Variants in ATXN10 observed in about 807,000 individuals in gnomAD.
ATXN10 encodes the protein ataxin 10.
Under a neutral mutation model 52.9 loss-of-function variants are expected in ATXN10, and 28 were observed. That is an observed-to-expected ratio of 0.53 (90% CI 0.39 to 0.73). The LOEUF (loss-of-function observed/expected upper bound fraction) is 0.73. Ranked by LOEUF, ATXN10 falls within the 30% of genes least tolerant of loss-of-function variation. The pLI is 0.00. For synonymous variants in ATXN10, 226 were observed against 221.5 expected, an observed-to-expected ratio of 1.02 and a Z score of -0.18; for missense variants, 565 against 577.0, an observed-to-expected ratio of 0.98 and a Z score of 0.21.
chr22:45,743,348 T>C (rs1925609444), intron 9 of ATXN10, among the ~76,000 whole-genome samples: 1 of 152,230 alleles, frequency 6.6e-6, no homozygotes, highest in Admixed American at 6.5e-5. Flanking sequence ...CGAAATCTTG[T>C]TCTGGATGTG....
chr22:45,725,401 A>AT (rs60263048), intron 6 of ATXN10, among the ~76,000 whole-genome samples: 2,195 of 116,150 alleles, frequency 0.019, 31 homozygotes, highest in African/African-American at 0.028. Context: ...CAGGCATTTG[A>AT]TTTTTTTTTT....
At position 45,826,572 on chromosome 22, in the gene ATXN10, C is replaced by T. The variant is rs1011530613; in HGVS notation, c.1238-16419C>T. On this transcript the variant is annotated intron_variant, in intron 10 of 11. Transcript: ENST00000252934. The surrounding 1 kb of genome is among the most constrained non-coding windows in gnomAD (Gnocchi z 5.0). Reference sequence around the variant, plus strand: ...AGCCCATCACATGCAAGAGATAATCCATAGGATTACCAGCAGTTTTCTTAT... The same window carrying T: ...AGCCCATCACATGCAAGAGATAATCTATAGGATTACCAGCAGTTTTCTTAT... 3.3e-5 allele frequency among the ~76,000 whole-genome samples: 5 copies of T among 152,156 alleles called. No individual in the cohort carries two copies. Among genetic ancestry groups the T allele is most frequent in the African/African-American group, 1.2e-4 (5 of 41,422 alleles).
chr22:45,816,281 C>T lies in ATXN10; in HGVS notation c.1237+9259C>T, dbSNP rs1256737981. ...AAATAAAAATAAATAAATAAAAATT[C>T]ACTGCCCTATTTTGATCTTAGATCA... On this transcript the variant is annotated intron_variant, in intron 10 of 11. Transcript: ENST00000252934. This position sits in a 1 kb window ranked among gnomAD's most constrained non-coding sequence, Gnocchi z 5.8. Among the ~76,000 whole-genome samples the T allele has an allele frequency of 1.3e-5, 2 of 152,076 alleles. No homozygotes were observed. The highest frequency in any genetic ancestry group is 4.8e-5 in the African/African-American group (2 of 41,412).
chr22:45,713,021 T>C (rs557241899), intron 5 of ATXN10, among the ~76,000 whole-genome samples: 28 of 152,228 alleles, frequency 1.8e-4, no homozygotes, highest in African/African-American at 5.3e-4. Flanking sequence ...ATTTTACTCA[T>C]GTTGTGAGTA....
At chr22:45,716,863 C>G (rs1297477490) in intron 5 of ATXN10, among the ~76,000 whole-genome samples, 1 of 152,136 alleles carries the variant, frequency 6.6e-6, no homozygotes, top group Non-Finnish European at 1.5e-5. Flanking sequence ...AAAGAGAGCA[C>G]TAATTACCAA....
At chr22:45,765,505 C>T (rs1926550746) in intron 9 of ATXN10, among the ~76,000 whole-genome samples, 3 of 152,170 alleles carry the variant, frequency 2.0e-5, no homozygotes, top group Admixed American at 1.3e-4. Flanking sequence ...CTAGAATCAG[C>T]TGGGACTGAG....
rs1357848027 is a variant in ATXN10, at chr22:45,757,403, C to A, written c.1173+16865C>A. Among the ~76,000 whole-genome samples the A allele has an allele frequency of 6.6e-6, 1 of 152,138 alleles. No homozygotes were observed. Among genetic ancestry groups the A allele is most frequent in the East Asian group, 1.9e-4 (1 of 5,186 alleles). ...AGCGCCTGCTGGCTGGGAGCAGGGACAGAAAATGCCTGAGGCTCCGAGGTG... is the reference window on the plus strand; with the variant it reads ...AGCGCCTGCTGGCTGGGAGCAGGGAAAGAAAATGCCTGAGGCTCCGAGGTG... On this transcript the variant is annotated intron_variant, in intron 9 of 11. Transcript: ENST00000252934. The surrounding 1 kb of genome is among the most constrained non-coding windows in gnomAD (Gnocchi z 4.6).
intron 1 of ATXN10, 127 bp downstream of exon 1, chr22:45,672,306 G>A (rs1922488271): frequency 9.4e-7 from 1 of 1,061,390 alleles, no homozygotes; most frequent in Non-Finnish European, 1.2e-6. Context: ...GCCTGCGCGG[G>A]CTGCCTGAGC....
Position 45,769,840 on chromosome 22 carries a change from T to TAA in ATXN10, c.1173+29303_1173+29304dup, listed in dbSNP as rs1601634920. The stretch of plus-strand genomic sequence containing the variant: ...AGAGTGTGATCTGAACAAAAACTCT[T>TAA]AAGAGTGTCAGGAAGTTAAAAAATA... On this transcript the variant is annotated intron_variant, in intron 9 of 11. Transcript: ENST00000252934. This position sits in a 1 kb window ranked among gnomAD's most constrained non-coding sequence, Gnocchi z 4.2. 2.0e-5 allele frequency among the ~76,000 whole-genome samples: 3 copies of TAA among 152,194 alleles called. No individual in the cohort carries two copies. The highest frequency in any genetic ancestry group is 2.0e-4 in the Admixed American group (3 of 15,268).
intron 4 of ATXN10, 22 bp from the exon 5 acceptor site, chr22:45,702,667 A>AC (rs765448521): frequency 6.2e-7 from 1 of 1,613,478 alleles, no homozygotes; most frequent in Admixed American, 1.7e-5. Context: ...TGGGCTAACA[A>AC]TCTCATTTCC....
At chr22:45,765,977 A>T (rs766479774) in intron 9 of ATXN10, among the ~76,000 whole-genome samples, 6 of 152,228 alleles carry the variant, frequency 3.9e-5, no homozygotes, top group Non-Finnish European at 8.8e-5. Context: ...TAAAAATGTT[A>T]TACAGCTTCC....
rs560783145 is a variant in ATXN10 at position 45,826,425 on chromosome 22, C to T, written c.1238-16566C>T. The stretch of plus-strand genomic sequence containing the variant: ...AATTTTCCACATTTGATGGAAGTCA[C>T]GAATATATACAACCAGGAAACTCGG... On this transcript the variant is annotated intron_variant, in intron 10 of 11. Coordinates refer to ENST00000252934, the MANE Select transcript of ATXN10 (RefSeq NM_013236.4). This position sits in a 1 kb window ranked among gnomAD's most constrained non-coding sequence, Gnocchi z 5.0. 2.0e-5 allele frequency among the ~76,000 whole-genome samples: 3 copies of T among 152,032 alleles called. No individual in the cohort carries two copies. The highest frequency in any genetic ancestry group is 4.8e-5 in the African/African-American group (2 of 41,376).
At chr22:45,806,689 T>C (rs1928109962) in intron 9 of ATXN10, among the ~76,000 whole-genome samples, 1 of 152,170 alleles carries the variant, frequency 6.6e-6, no homozygotes, top group Non-Finnish European at 1.5e-5. Flanking sequence ...TGGTGAACAA[T>C]GTTAGGAAGT....
At position 45,780,137 on chromosome 22, in the gene ATXN10, G is replaced by A. The variant is rs892854746; in HGVS notation, c.1174-26822G>A. Among the ~76,000 whole-genome samples the A allele has an allele frequency of 6.6e-6, 1 of 150,744 alleles. No individual in the cohort carries two copies. Among genetic ancestry groups the A allele is most frequent in the Non-Finnish European group, 1.5e-5 (1 of 67,906 alleles). On this transcript the variant is annotated intron_variant, in intron 9 of 11. Coordinates refer to ENST00000252934, the MANE Select transcript of ATXN10 (RefSeq NM_013236.4). The surrounding 1 kb of genome is among the most constrained non-coding windows in gnomAD (Gnocchi z 4.0). Reference sequence around the variant, plus strand: ...CTCGTTGTGTCACCCAGGCTGGAGTGCAGTGGCACGATCTTGGTTCACTGC... The same window carrying A: ...CTCGTTGTGTCACCCAGGCTGGAGTACAGTGGCACGATCTTGGTTCACTGC...
At chr22:45,741,163 A>C (rs1925519998) in intron 9 of ATXN10, among the ~76,000 whole-genome samples, 1 of 152,126 alleles carries the variant, frequency 6.6e-6, no homozygotes, top group Non-Finnish European at 1.5e-5. Flanking sequence ...TTGCTTAGTT[A>C]AATATTAATT....
intron 3 of ATXN10, among the ~76,000 whole-genome samples, chr22:45,698,878 C>T (rs12166726): frequency 5.3e-5 from 8 of 152,142 alleles, no homozygotes; most frequent in African/African-American, 1.7e-4. Context: ...AAAAAGTATT[C>T]TGGTTCCTAA....
At chr22:45,798,992 C>T (rs1927841581) in intron 9 of ATXN10, among the ~76,000 whole-genome samples, 1 of 151,914 alleles carries the variant, frequency 6.6e-6, no homozygotes, top group South Asian at 2.1e-4. Flanking sequence ...ACAGACAGCT[C>T]AATATTGTTA....
intron 2 of ATXN10, among the ~76,000 whole-genome samples, chr22:45,691,636 C>G (rs1407480141): frequency 1.3e-5 from 2 of 152,222 alleles, no homozygotes; most frequent in Non-Finnish European, 2.9e-5. Context: ...TGGCTCACGC[C>G]TGTAATCCCA....
rs1412456039 is a variant in ATXN10, at chr22:45,835,069, A to G, written c.1238-7922A>G. 6.6e-6 allele frequency among the ~76,000 whole-genome samples: 1 copy of G among 152,208 alleles called. No homozygotes were observed. The highest frequency in any genetic ancestry group is 2.4e-5 in the African/African-American group (1 of 41,464). On this transcript the variant is annotated intron_variant, in intron 10 of 11. Transcript: ENST00000252934. This position sits in a 1 kb window ranked among gnomAD's most constrained non-coding sequence, Gnocchi z 5.0. ...AATGATTCCAGAGCATGTCATGTAC[A>G]AAATTAGTTTCATTGCCACAGGATC...
Sources: gnomAD v4.1 joint callset for allele counts (sites outside exome capture counted in the v4.1 genomes callset) on GRCh38, gnomAD v4.1.1 for gene constraint, Gnocchi (gnomAD v3.1) non-coding constraint, MANE v1.5 for transcripts, NCBI Gene and HGNC (gene_info 2026-07-23, HGNC 2026-07-21) for gene names.